The following EFCAB5 variants were observed in gnomAD, a reference collection of about 807,000 sequenced individuals.
EFCAB5 encodes EF-hand calcium-binding domain-containing protein 5.
EFCAB5 carries 131 observed loss-of-function variants against 167.9 expected under a neutral mutation model. The observed-to-expected ratio is 0.78, with a 90% CI of 0.68 to 0.90. The LOEUF (loss-of-function observed/expected upper bound fraction) is 0.90, where lower values mean the gene tolerates loss of function less well. Ranked by LOEUF, EFCAB5 falls within the 40% of genes least tolerant of loss-of-function variation. The probability of loss-of-function intolerance (pLI) is 0.00; values close to 1 mark genes in which losing one functional copy is unlikely to be tolerated. For missense variants in EFCAB5, 1,663 were observed against 1,745.2 expected, an observed-to-expected ratio of 0.95 and a Z score of 0.84; for synonymous variants, 574 against 602.8, an observed-to-expected ratio of 0.95 and a Z score of 0.70.
chr17:29,968,776 T>C lies in EFCAB5; in HGVS notation c.191-15T>C. The C allele has an allele frequency of 2.1e-6, 3 of 1,453,214 alleles. No homozygotes were observed. Among genetic ancestry groups the C allele is most frequent in the Non-Finnish European group, 2.7e-6 (3 of 1,103,136 alleles). The allele number at this position is 1,453,214 out of a possible 1,614,324, so 90.0% of individuals were successfully genotyped here. ...CTTCTAACATTTCTTACATTTCACT[T>C]TTTTTTCCCCTCAGAATTAAACCTG... On this transcript the variant is annotated splice_polypyrimidine_tract_variant and intron_variant, in intron 3 of 22. Transcript: ENST00000394835.
At chr17:30,002,052 AG>A (rs903419236) in intron 7 of EFCAB5, among the ~76,000 whole-genome samples, 11 of 152,160 alleles carry the variant, frequency 7.2e-5, no homozygotes, top group African/African-American at 2.7e-4. Context: ...GAGACATGTA[AG>A]TTTTTAGTTT....
intron 4 of EFCAB5, among the ~76,000 whole-genome samples, chr17:29,979,683 A>G (rs1246358866): frequency 6.6e-6 from 1 of 152,066 alleles, no homozygotes; most frequent in Non-Finnish European, 1.5e-5. Flanking sequence ...CTTTTTCTAT[A>G]TATTTCTTAC....
At chr17:30,041,446 A>C (rs1394693480) in intron 8 of EFCAB5, among the ~76,000 whole-genome samples, 1 of 152,248 alleles carries the variant, frequency 6.6e-6, no homozygotes, top group Non-Finnish European at 1.5e-5. Context: ...GAATTGCTGT[A>C]ATCTCATGAT....
intron 3 of EFCAB5, among the ~76,000 whole-genome samples, chr17:29,961,179 T>C (rs1356992694): frequency 1.3e-5 from 2 of 152,214 alleles, no homozygotes; most frequent in African/African-American, 4.8e-5. Context: ...TGGTATCTCA[T>C]TGTAGTTATG....
chr17:30,008,744 T>A (rs1339837443), intron 7 of EFCAB5, among the ~76,000 whole-genome samples: 1 of 152,162 alleles, frequency 6.6e-6, no homozygotes, highest in Admixed American at 6.5e-5. Context: ...ATTTTTAAAC[T>A]TTTTTTGGTA....
At chr17:29,986,974 GA>G (rs773217697) in intron 4 of EFCAB5, among the ~76,000 whole-genome samples, 7 of 152,052 alleles carry the variant, frequency 4.6e-5, no homozygotes, top group Non-Finnish European at 7.4e-5. Context: ...TAAATACTGA[GA>G]CCAGAAAGCA....
intron 9 of EFCAB5, among the ~76,000 whole-genome samples, chr17:30,051,593 CT>C (rs1276642683): frequency 1.3e-5 from 2 of 152,100 alleles, no homozygotes; most frequent in Non-Finnish European, 2.9e-5. Flanking sequence ...TCTTACTCTT[CT>C]CACCCAGGCT....
intron 14 of EFCAB5, among the ~76,000 whole-genome samples, chr17:30,072,793 C>T (rs963723682): frequency 1.7e-4 from 26 of 152,198 alleles, no homozygotes; most frequent in African/African-American, 5.5e-4. Flanking sequence ...GGCCCCTCCA[C>T]TTTAAAGCTA....
chr17:29,989,574 T>A (rs1376082142), intron 4 of EFCAB5, among the ~76,000 whole-genome samples: 1 of 152,194 alleles, frequency 6.6e-6, no homozygotes, highest in Non-Finnish European at 1.5e-5. Flanking sequence ...TTTTTTGGAA[T>A]CATAGCAGGA....
intron 8 of EFCAB5, among the ~76,000 whole-genome samples, chr17:30,037,834 A>C (rs1255918310): frequency 6.6e-6 from 1 of 152,160 alleles, no homozygotes; most frequent in East Asian, 1.9e-4. Context: ...AAAAAGAGAG[A>C]AGTTAATGAA....
intron 3 of EFCAB5, 60 bp downstream of exon 3, chr17:29,943,709 C>T: frequency 2.7e-6 from 4 of 1,457,346 alleles, no homozygotes; most frequent in Admixed American, 4.1e-5. Context: ...CGTGGTGGCT[C>T]ATGCCTGTAA....
chr17:30,006,855 C>T (rs1451629670), intron 7 of EFCAB5, among the ~76,000 whole-genome samples: 2 of 152,136 alleles, frequency 1.3e-5, no homozygotes, highest in African/African-American at 4.8e-5. Flanking sequence ...ATTAATCTCC[C>T]TATGTTGCCC....
chr17:30,003,577 GAA>G lies in EFCAB5; in HGVS notation c.1044+3615_1044+3616del, dbSNP rs80181636. ...TGTGGTTTTGGGGAGGGGAGAAAAA[GAA>G]AAAAAAAAAAAAAGAGATGTGATCC... On this transcript the variant is annotated intron_variant, in intron 7 of 22. Transcript: ENST00000394835. 1.5e-3 allele frequency among the ~76,000 whole-genome samples: 144 copies of G among 95,884 alleles called. 2 individuals are homozygous for G. The Middle Eastern group carries it at 0.017, about 11-fold the overall frequency. 62.9% of individuals were successfully genotyped at this position (95,884 alleles called of 152,430 possible).
At chr17:29,947,182 A>G (rs1305544441) in intron 3 of EFCAB5, among the ~76,000 whole-genome samples, 1 of 152,058 alleles carries the variant, frequency 6.6e-6, no homozygotes, top group African/African-American at 2.4e-5. Flanking sequence ...CAAAAAAAAA[A>G]AAAAAGAAAA....
intron 3 of EFCAB5, among the ~76,000 whole-genome samples, chr17:29,945,888 A>C (rs373650065): frequency 1.3e-5 from 2 of 152,192 alleles, no homozygotes; most frequent in Admixed American, 1.3e-4. Flanking sequence ...AAAATTCTAT[A>C]AAATAACCTA....
intron 1 of EFCAB5, among the ~76,000 whole-genome samples, chr17:29,930,994 T>G (rs1319574750): frequency 6.6e-6 from 1 of 152,184 alleles, no homozygotes; most frequent in Non-Finnish European, 1.5e-5. Context: ...TAAATGTCAT[T>G]CTTTCATAGA....
chr17:29,930,598 A>G (rs1054363743), intron 1 of EFCAB5, among the ~76,000 whole-genome samples: 5 of 120,034 alleles, frequency 4.2e-5, no homozygotes, highest in African/African-American at 1.0e-4. Context: ...TCTATTGGGA[A>G]AGGGCTCCGC....
At chr17:30,006,056 T>C (rs535096931) in intron 7 of EFCAB5, among the ~76,000 whole-genome samples, 6 of 152,358 alleles carry the variant, frequency 3.9e-5, no homozygotes, top group African/African-American at 1.4e-4. Context: ...TATTGACTTA[T>C]GTCTTTGCGT....
intron 8 of EFCAB5, among the ~76,000 whole-genome samples, chr17:30,035,691 G>A (rs2069597047): frequency 6.6e-6 from 1 of 152,252 alleles, no homozygotes; most frequent in Non-Finnish European, 1.5e-5. Context: ...AACAAGGTCT[G>A]TACAGTATTC....
Sources: gnomAD v4.1 joint callset for allele counts (sites outside exome capture counted in the v4.1 genomes callset) on GRCh38, gnomAD v4.1.1 for gene constraint, MANE v1.5 for transcripts, NCBI Gene and HGNC (gene_info 2026-07-23, HGNC 2026-07-21) for gene names.